LRFN5: variants seen among roughly 807,000 people sequenced by gnomAD.
The protein encoded by LRFN5 is leucine-rich repeat and fibronectin type-III domain-containing protein 5.
A neutral mutation model predicts 45.6 loss-of-function variants in LRFN5; 24 were observed. That is an observed-to-expected ratio of 0.53 (90% CI 0.38 to 0.74). LRFN5 has a LOEUF of 0.74. Among genes scored for constraint, LRFN5 ranks in the 30% least tolerant of loss-of-function variants. The pLI is 0.00. For synonymous variants in LRFN5, 340 were observed against 313.8 expected, an observed-to-expected ratio of 1.08 and a Z score of -0.88; for missense variants, 776 against 861.5, an observed-to-expected ratio of 0.90 and a Z score of 1.24.
chr14:41,729,748 GCA>G (rs1447338004), intron 1 of LRFN5, among the ~76,000 whole-genome samples: 2 of 151,874 alleles, frequency 1.3e-5, no homozygotes. Context: ...TTTTGTTTTT[GCA>G]CCCCTCTTTT....
At chr14:41,622,369 A>C (rs1888167344) in intron 1 of LRFN5, among the ~76,000 whole-genome samples, 1 of 152,104 alleles carries the variant, frequency 6.6e-6, no homozygotes, top group Admixed American at 6.6e-5. Flanking sequence ...AGAATTTTAC[A>C]AATAAAATTT....
intron 2 of LRFN5, among the ~76,000 whole-genome samples, chr14:41,882,631 A>C (rs1890421045): frequency 6.6e-6 from 1 of 152,048 alleles, no homozygotes. Context: ...TTACTCAATG[A>C]AGGTATGAGA....
At chr14:41,714,207 C>A (rs1883395405) in intron 1 of LRFN5, among the ~76,000 whole-genome samples, 1 of 152,018 alleles carries the variant, frequency 6.6e-6, no homozygotes, top group Non-Finnish European at 1.5e-5. Flanking sequence ...TTCAAAGGAA[C>A]AGAGACTTGA....
At chr14:41,673,687 C>G (rs1242410132) in intron 1 of LRFN5, among the ~76,000 whole-genome samples, 1 of 145,302 alleles carries the variant, frequency 6.9e-6, no homozygotes, top group Non-Finnish European at 1.5e-5. Context: ...CCCCCCACCT[C>G]CCTCCTGGAT....
At chr14:41,763,003 A>C (rs1054077658) in intron 1 of LRFN5, among the ~76,000 whole-genome samples, 1 of 152,194 alleles carries the variant, frequency 6.6e-6, no homozygotes, top group Non-Finnish European at 1.5e-5. Context: ...ATAATTTTTC[A>C]AATGTTATGA....
Position 41,736,927 on chromosome 14 carries a change from A to C in LRFN5, c.-196-29927A>C, listed in dbSNP as rs556883324. Among the ~76,000 whole-genome samples, 4 of 152,330 alleles carry C rather than the reference A, an allele frequency of 2.6e-5. No homozygotes were observed. The East Asian group carries it at 5.8e-4, about 22-fold the overall frequency. On this transcript the variant is annotated intron_variant, in intron 1 of 5. Transcript: ENST00000298119. ...GCCAAATTCTACCAGAGGTACAAAG[A>C]GGAGCTGGTACCATTCCTTCTGAAA...
intron 1 of LRFN5, among the ~76,000 whole-genome samples, chr14:41,674,333 C>A (rs1458979971): frequency 7.9e-6 from 1 of 126,470 alleles, no homozygotes. Flanking sequence ...GGGGGGCCGA[C>A]CCCCCCACCT....
Position 41,904,212 on chromosome 14 carries a change from G to T in LRFN5, c.*37G>T, listed in dbSNP as rs766582056. On this transcript the variant is annotated 3_prime_UTR_variant, in exon 6 of 6. Transcript: ENST00000298119. Reference sequence around the variant, plus strand: ...TCTCCTCTCTCTCCTGAAAAAATTTGCCACTGATATTTTTACTGGATAAAA... The same window carrying T: ...TCTCCTCTCTCTCCTGAAAAAATTTTCCACTGATATTTTTACTGGATAAAA... The T allele has an allele frequency of 8.1e-6, 13 of 1,606,862 alleles. 2 individuals carry two copies. In the South Asian group the frequency reaches 1.3e-4, roughly 16 times the overall value.
chr14:41,720,683 G>C (rs551946281), intron 1 of LRFN5, among the ~76,000 whole-genome samples: 1 of 152,124 alleles, frequency 6.6e-6, no homozygotes, highest in South Asian at 2.1e-4. Flanking sequence ...CCATGTGCTT[G>C]TGTGGTTTGG....
rs530881253 is a variant in LRFN5, at chr14:41,822,730, C to A, written c.-21+55701C>A. Among the ~76,000 whole-genome samples, 8 of 152,002 alleles carry A rather than the reference C, an allele frequency of 5.3e-5. No individual in the cohort carries two copies. In the East Asian group the frequency reaches 1.4e-3, roughly 26 times the overall value. ...TTTTGCCTTGACGGTCTCTCTAGTG[C>A]ATCAGTGGGGTGTTGAAGTCCACCA... On this transcript the variant is annotated intron_variant, in intron 2 of 5. Transcript: ENST00000298119.
chr14:41,889,084 A>ATATATATATATGTC (rs1301728834), intron 3 of LRFN5, among the ~76,000 whole-genome samples: 1 of 120,892 alleles, frequency 8.3e-6, no homozygotes, highest in Non-Finnish European at 1.7e-5. Flanking sequence ...TTTCAAAGCC[A>ATATATATATATGTC]TATATATATA....
At position 41,857,869 on chromosome 14, in the gene LRFN5, AGAG is replaced by A. The variant is rs1392580163; in HGVS notation, c.-20-28733_-20-28731del. Among the ~76,000 whole-genome samples, 12 of 152,330 alleles carry A rather than the reference AGAG, an allele frequency of 7.9e-5. No homozygotes were observed. In the East Asian group the frequency reaches 1.9e-3, roughly 24 times the overall value. ...TGCTGAAACTTGAAGTTTGAAAATAAGAGGAGAAGAGAAAAGAGATAGTTCCAT... is the reference window on the plus strand; with the variant it reads ...TGCTGAAACTTGAAGTTTGAAAATAAGAGAAGAGAAAAGAGATAGTTCCAT... On this transcript the variant is annotated intron_variant, in intron 2 of 5. Coordinates refer to ENST00000298119, the MANE Select transcript of LRFN5 (RefSeq NM_152447.5).
chr14:41,702,442 T>C (rs1426319887), intron 1 of LRFN5, among the ~76,000 whole-genome samples: 1 of 150,844 alleles, frequency 6.6e-6, no homozygotes, highest in Admixed American at 6.6e-5. Context: ...AATGTGATTC[T>C]TCTTGTTGGT....
At chr14:41,674,531 G>A (rs1418647207) in intron 1 of LRFN5, among the ~76,000 whole-genome samples, 3 of 143,232 alleles carry the variant, frequency 2.1e-5, no homozygotes, top group East Asian at 2.1e-4. Context: ...TCTCCAGGAC[G>A]GGGCGGCTGG....
At chr14:41,860,699 C>T (rs1049862627) in intron 2 of LRFN5, among the ~76,000 whole-genome samples, 2 of 152,158 alleles carry the variant, frequency 1.3e-5, no homozygotes, top group African/African-American at 4.8e-5. Context: ...ATTTGCCTCC[C>T]TTGGCTTACA....
intron 1 of LRFN5, among the ~76,000 whole-genome samples, chr14:41,759,829 G>A (rs1885582571): frequency 6.6e-6 from 1 of 152,162 alleles, no homozygotes; most frequent in South Asian, 2.1e-4. Context: ...AATTAAGCAT[G>A]TTTTTCTAGA....
Position 41,887,920 on chromosome 14 carries a change from T to A in LRFN5, c.1295T>A (p.Leu432Gln). The A allele has an allele frequency of 6.2e-7, 1 of 1,613,794 alleles. No individual in the cohort carries two copies. The highest frequency in any genetic ancestry group is 8.5e-7 in the Non-Finnish European group (1 of 1,179,740). The change falls in exon 3 of 6, where the codon CTA becomes CAA. Residue 432 changes from leucine (L) to glutamine (Q), a missense_variant. Leu to Gln is a moderately radical substitution (Grantham distance 113, BLOSUM62 -2). Coordinates refer to ENST00000298119, the MANE Select transcript of LRFN5 (RefSeq NM_152447.5). This position sits in a 1 kb window ranked among gnomAD's most constrained non-coding sequence, Gnocchi z 4.8. ...VVAEATSSTA[L>Q]LKFNFQRNIP... is the part of the protein sequence containing the mutation. ...GCAGAAGCTACATCATCAACGGCAC[T>A]ACTTAAATTTAATTTTCAAAGAAAT...
At chr14:41,625,250 T>C (rs2138566997) in intron 1 of LRFN5, among the ~76,000 whole-genome samples, 1 of 132,640 alleles carries the variant, frequency 7.5e-6, no homozygotes, top group South Asian at 2.3e-4. Context: ...CACCCATATA[T>C]CAAGGGTGGG....
chr14:41,640,278 C>T (rs1309518370), intron 1 of LRFN5, among the ~76,000 whole-genome samples: 1 of 152,026 alleles, frequency 6.6e-6, no homozygotes, highest in East Asian at 1.9e-4. Flanking sequence ...TTTGCTTTGC[C>T]TTAGGCTGTT....
Sources: gnomAD v4.1 joint callset for allele counts (sites outside exome capture counted in the v4.1 genomes callset) on GRCh38, gnomAD v4.1.1 for gene constraint, Gnocchi (gnomAD v3.1) non-coding constraint, MANE v1.5 for transcripts, NCBI Gene and HGNC (gene_info 2026-07-23, HGNC 2026-07-21) for gene names.